Variants in CATSPERE observed in about 807,000 individuals in gnomAD.
CATSPERE encodes catsper channel auxiliary subunit epsilon.
CATSPERE carries 93 observed loss-of-function variants against 114.1 expected under a neutral mutation model. That is an observed-to-expected ratio of 0.81 (90% CI 0.69 to 0.97). The LOEUF (loss-of-function observed/expected upper bound fraction) is 0.97, where lower values mean the gene tolerates loss of function less well. Ranked by LOEUF, CATSPERE falls within the 50% of genes least tolerant of loss-of-function variation. CATSPERE has a pLI of 0.00. For missense variants in CATSPERE, 1,058 were observed against 1,131.6 expected (o/e 0.93, Z 0.93); for synonymous variants, 341 against 384.1 (o/e 0.89, Z 1.31).
intron 8 of CATSPERE, among the ~76,000 whole-genome samples, chr1:244,547,176 TATATTC>T (rs1262175966): frequency 1.3e-5 from 2 of 152,144 alleles, no homozygotes; most frequent in Non-Finnish European, 2.9e-5. Flanking sequence ...AATGGGATGA[TATATTC>T]ATATTCAAAG....
intron 8 of CATSPERE, among the ~76,000 whole-genome samples, chr1:244,520,107 T>C (rs1361194507): frequency 6.6e-6 from 1 of 152,222 alleles, no homozygotes; most frequent in East Asian, 1.9e-4. Context: ...TTCTTCATGA[T>C]ACCCTTAAAG....
chr1:244,590,175 A>G (rs774290967), intron 14 of CATSPERE, among the ~76,000 whole-genome samples: 30 of 152,216 alleles, frequency 2.0e-4, no homozygotes, highest in Admixed American at 7.8e-4. Context: ...TGGTCAGATG[A>G]ATAATTTACC....
At chr1:244,629,503 C>CT (rs369560104) in intron 20 of CATSPERE, among the ~76,000 whole-genome samples, 42,520 of 82,550 alleles carry the variant, frequency 0.52, 10,448 homozygotes, top group South Asian at 0.55. Flanking sequence ...TCTCTCTTAC[C>CT]TTTTTTTTTT....
chr1:244,639,441 G>A (rs542887868), intron 21 of CATSPERE, among the ~76,000 whole-genome samples: 1 of 152,282 alleles, frequency 6.6e-6, no homozygotes, highest in African/African-American at 2.4e-5. Context: ...ATCCCTTTTG[G>A]CACTTTGGGA....
chr1:244,622,622 A>G (rs1459339723), intron 20 of CATSPERE, among the ~76,000 whole-genome samples: 1 of 151,736 alleles, frequency 6.6e-6, no homozygotes, highest in Non-Finnish European at 1.5e-5. Context: ...CAGGCTGTCA[A>G]TTTTCATTCC....
rs569561581 is a variant in CATSPERE, at chr1:244,569,115, T to G, written c.1508-3215T>G. ...TGGCTTCCCTTGGCTAGGGGAGGGA[T>G]ACCATGGGTTCCTTATGGAAGACCA... is the stretch of plus-strand genomic sequence containing the variant. On this transcript the variant is annotated intron_variant, in intron 10 of 21. Coordinates refer to ENST00000366534, the MANE Select transcript of CATSPERE (RefSeq NM_001130957.2). Among the ~76,000 whole-genome samples the G allele has an allele frequency of 2.8e-4, 42 of 149,060 alleles. 1 individual carries two copies. The highest frequency in any genetic ancestry group is 3.4e-3 in the Middle Eastern group (1 of 292).
intron 15 of CATSPERE, among the ~76,000 whole-genome samples, chr1:244,592,270 G>A (rs73119870): frequency 0.026 from 3,961 of 152,020 alleles, 166 homozygotes; most frequent in African/African-American, 0.09. Flanking sequence ...ATATTTACCC[G>A]GAAAGTCCTG....
chr1:244,514,918 A>G (rs886882098), intron 7 of CATSPERE, among the ~76,000 whole-genome samples: 2 of 152,102 alleles, frequency 1.3e-5, no homozygotes, highest in African/African-American at 2.4e-5. Context: ...ATCAGCATCA[A>G]TTTCCTAGTT....
chr1:244,561,558 T>C (rs1662568008), intron 10 of CATSPERE, among the ~76,000 whole-genome samples: 2 of 152,134 alleles, frequency 1.3e-5, no homozygotes, highest in South Asian at 4.1e-4. Flanking sequence ...TATCAAGGTG[T>C]TGATAGGGCC....
At chr1:244,637,847 A>G (rs1674826983) in intron 21 of CATSPERE, among the ~76,000 whole-genome samples, 1 of 152,174 alleles carries the variant, frequency 6.6e-6, no homozygotes, top group African/African-American at 2.4e-5. Context: ...CCACCCTCAC[A>G]AAGAAATTAG....
chr1:244,552,008 G>A (rs1660716902), intron 8 of CATSPERE, among the ~76,000 whole-genome samples: 1 of 140,248 alleles, frequency 7.1e-6, no homozygotes, highest in East Asian at 2.2e-4. Context: ...AGCTCGCAGC[G>A]AGCCCAGATC....
In CATSPERE at chr1:244,501,580, C is replaced by T. The variant is rs548214977; in HGVS notation, c.429+2501C>T. On this transcript the variant is annotated intron_variant, in intron 7 of 21. Coordinates refer to ENST00000366534, the MANE Select transcript of CATSPERE (RefSeq NM_001130957.2). ...TTGATAAATCAGAAGGATACGCAAC[C>T]AATTGTTTCATCTGGTAATCAACTT... Among the ~76,000 whole-genome samples the T allele has an allele frequency of 2.6e-5, 4 of 152,176 alleles. No homozygotes were observed. The South Asian group carries it at 6.2e-4, about 24-fold the overall frequency.
At chr1:244,605,155 C>T (rs1669811830) in intron 17 of CATSPERE, among the ~76,000 whole-genome samples, 1 of 152,230 alleles carries the variant, frequency 6.6e-6, no homozygotes, top group South Asian at 2.1e-4. Flanking sequence ...TCTCCGTTCT[C>T]ATCATAGTAA....
Position 244,504,855 on chromosome 1 carries a change from C to A in CATSPERE, c.429+5776C>A, listed in dbSNP as rs1167783674. On this transcript the variant is annotated intron_variant, in intron 7 of 21. Coordinates refer to ENST00000366534, the MANE Select transcript of CATSPERE (RefSeq NM_001130957.2). The surrounding 1 kb of genome is among the most constrained non-coding windows in gnomAD (Gnocchi z 4.1). ...TACTGTAAAGTTCCTCTTTCTTCTCCCTGTCCATGTTGTTCGCCTTGGAAG... is the reference window on the plus strand; with the variant it reads ...TACTGTAAAGTTCCTCTTTCTTCTCACTGTCCATGTTGTTCGCCTTGGAAG... 6.6e-6 allele frequency among the ~76,000 whole-genome samples: 1 copy of A among 152,178 alleles called. No homozygotes were observed. Among genetic ancestry groups the A allele is most frequent in the African/African-American group, 2.4e-5 (1 of 41,438 alleles).
chr1:244,578,211 C>T (rs1053955679), intron 11 of CATSPERE, among the ~76,000 whole-genome samples: 9 of 152,034 alleles, frequency 5.9e-5, no homozygotes, highest in Non-Finnish European at 5.9e-5. Context: ...TGGAGTGCAG[C>T]GGTGTGATCT....
chr1:244,614,967 T>C (rs570098485), intron 19 of CATSPERE, among the ~76,000 whole-genome samples: 3 of 152,206 alleles, frequency 2.0e-5, no homozygotes, highest in African/African-American at 7.2e-5. Flanking sequence ...CTCCAAACAA[T>C]TGTCCTTCAA....
intron 8 of CATSPERE, among the ~76,000 whole-genome samples, chr1:244,542,392 A>G (rs1455573864): frequency 6.6e-6 from 1 of 152,090 alleles, no homozygotes; most frequent in Non-Finnish European, 1.5e-5. Context: ...ATATTGAGTA[A>G]TGGTGATATT....
At chr1:244,473,037 C>T (rs1167537247) in intron 2 of CATSPERE, among the ~76,000 whole-genome samples, 1 of 152,216 alleles carries the variant, frequency 6.6e-6, no homozygotes, top group Non-Finnish European at 1.5e-5. Context: ...AAAGATATCC[C>T]AGTTGCTTCC....
rs1328027041 is a variant in CATSPERE, at chr1:244,504,962, G to A, written c.429+5883G>A. ...ATATTTTTGGAATTCTTATTTTATG[G>A]CAAACTTGTCTTATCCCTGATTTAT... On this transcript the variant is annotated intron_variant, in intron 7 of 21. Transcript: ENST00000366534. This position sits in a 1 kb window ranked among gnomAD's most constrained non-coding sequence, Gnocchi z 4.1. Among the ~76,000 whole-genome samples the A allele has an allele frequency of 6.6e-6, 1 of 152,034 alleles. No homozygotes were observed. Among genetic ancestry groups the A allele is most frequent in the Admixed American group, 6.6e-5 (1 of 15,262 alleles).
Sources: allele counts gnomAD v4.1 joint callset (sites outside exome capture counted in the v4.1 genomes callset), GRCh38; gene constraint gnomAD v4.1.1; non-coding constraint Gnocchi (gnomAD v3.1); transcripts MANE v1.5; gene names NCBI Gene and HGNC (gene_info 2026-07-23, HGNC 2026-07-21).